The following NUBPL variants were observed in gnomAD, a reference collection of about 807,000 sequenced individuals.
NUBPL encodes iron-sulfur cluster transfer protein NUBPL.
Under a neutral mutation model 45.7 loss-of-function variants are expected in NUBPL, and 31 were observed. The observed-to-expected ratio is 0.68, with a 90% CI of 0.51 to 0.92. NUBPL has a LOEUF of 0.92. Among genes scored for constraint, NUBPL ranks in the 40% least tolerant of loss-of-function variants. The probability of loss-of-function intolerance (pLI) is 0.00; values close to 1 mark genes in which losing one functional copy is unlikely to be tolerated. For synonymous variants in NUBPL, 144 were observed against 140.9 expected (o/e 1.02, Z -0.15); for missense variants, 401 against 398.7 (o/e 1.01, Z -0.05).
intron 4 of NUBPL, among the ~76,000 whole-genome samples, chr14:31,629,982 C>T (rs2035300473): frequency 6.6e-6 from 1 of 152,130 alleles, no homozygotes; most frequent in Non-Finnish European, 1.5e-5. Context: ...ACCTGCAATT[C>T]TGAGAGCACA....
intron 6 of NUBPL, among the ~76,000 whole-genome samples, chr14:31,717,679 AC>A (rs1389218791): frequency 6.6e-6 from 1 of 151,834 alleles, no homozygotes; most frequent in Non-Finnish European, 1.5e-5. Flanking sequence ...TACCAAAACA[AC>A]CCCAAGCCTG....
chr14:31,817,408 A>G (rs535452507), intron 7 of NUBPL, among the ~76,000 whole-genome samples: 2 of 152,274 alleles, frequency 1.3e-5, no homozygotes, highest in Admixed American at 6.5e-5. Context: ...GAAGGAAAAA[A>G]TGTTAAGGGC....
rs914698510 is a variant in NUBPL at position 31,859,228 on chromosome 14, C to T, written c.*48C>T. ...TGCCTGGTACTGACATTAAGAGGAC[C>T]TTTGGAAATCAGCAATGTGGTGATG... On this transcript the variant is annotated 3_prime_UTR_variant, in exon 11 of 11. Transcript: ENST00000281081. 5 of 1,418,312 alleles carry T rather than the reference C, an allele frequency of 3.5e-6. No homozygotes were observed. Among genetic ancestry groups the T allele is most frequent in the Middle Eastern group, 3.5e-4 (2 of 5,700 alleles). 87.9% of individuals were successfully genotyped at this position (1,418,312 alleles called of 1,614,324 possible).
intron 6 of NUBPL, among the ~76,000 whole-genome samples, chr14:31,766,113 T>G (rs942186856): frequency 7.9e-5 from 12 of 152,156 alleles, no homozygotes; most frequent in Middle Eastern, 3.2e-3. Flanking sequence ...CAAATAGAAT[T>G]TAAGTTTTAA....
At chr14:31,706,767 T>G (rs1329609672) in intron 6 of NUBPL, among the ~76,000 whole-genome samples, 1 of 152,214 alleles carries the variant, frequency 6.6e-6, no homozygotes, top group Non-Finnish European at 1.5e-5. Flanking sequence ...GTCTGAGAAA[T>G]CCTTTGAGAG....
chr14:31,731,260 A>G (rs948198329), intron 6 of NUBPL, among the ~76,000 whole-genome samples: 7 of 152,324 alleles, frequency 4.6e-5, no homozygotes, highest in Non-Finnish European at 2.9e-5. Flanking sequence ...TCACAATGCA[A>G]TGTGGAACGA....
intron 6 of NUBPL, among the ~76,000 whole-genome samples, chr14:31,732,326 G>A (rs757381596): frequency 2.6e-4 from 39 of 152,008 alleles, no homozygotes; most frequent in Non-Finnish European, 5.1e-4. Flanking sequence ...CAGACTCTGG[G>A]CAAATCATTT....
intron 4 of NUBPL, among the ~76,000 whole-genome samples, chr14:31,672,846 T>C (rs1356316388): frequency 6.6e-6 from 1 of 152,236 alleles, no homozygotes; most frequent in Non-Finnish European, 1.5e-5. Context: ...GTATGCTTGG[T>C]ATAATGTTTA....
chr14:31,835,791 A>G (rs569597781), intron 8 of NUBPL, among the ~76,000 whole-genome samples: 2 of 151,338 alleles, frequency 1.3e-5, no homozygotes, highest in African/African-American at 4.9e-5. Context: ...ATCCATGCAC[A>G]TGCTTCAAGG....
chr14:31,730,463 CTTTTT>C (rs1219334725), intron 6 of NUBPL, among the ~76,000 whole-genome samples: 1 of 137,884 alleles, frequency 7.3e-6, no homozygotes, highest in Non-Finnish European at 1.6e-5. Flanking sequence ...ATCAAGTAAT[CTTTTT>C]TTTTTTTTTT....
chr14:31,625,453 A>G (rs1410315154), intron 4 of NUBPL, among the ~76,000 whole-genome samples: 1 of 151,300 alleles, frequency 6.6e-6, no homozygotes, highest in Non-Finnish European at 1.5e-5. Context: ...AGTGGGTAAG[A>G]TATAAATTCT....
chr14:31,775,384 C>T (rs1566555623), intron 6 of NUBPL, among the ~76,000 whole-genome samples: 1 of 152,194 alleles, frequency 6.6e-6, no homozygotes, highest in Non-Finnish European at 1.5e-5. Flanking sequence ...TGCCATTGCA[C>T]ATCAGCCTGG....
At chr14:31,609,985 C>A (rs933356204) in intron 4 of NUBPL, among the ~76,000 whole-genome samples, 3 of 151,850 alleles carry the variant, frequency 2.0e-5, no homozygotes, top group African/African-American at 7.3e-5. Context: ...TTTCAATAAA[C>A]AATTTAACGA....
intron 4 of NUBPL, among the ~76,000 whole-genome samples, chr14:31,617,786 C>T (rs2034948209): frequency 6.6e-6 from 1 of 152,152 alleles, no homozygotes; most frequent in African/African-American, 2.4e-5. Context: ...TGATGCTGGC[C>T]TCATAAAATG....
chr14:31,632,892 G>C (rs946177348), intron 4 of NUBPL, among the ~76,000 whole-genome samples: 7 of 152,170 alleles, frequency 4.6e-5, no homozygotes, highest in Non-Finnish European at 8.8e-5. Flanking sequence ...ATTTAACATT[G>C]AAGCATAGTA....
At chr14:31,843,106 T>C (rs1050314503) in intron 8 of NUBPL, among the ~76,000 whole-genome samples, 38 of 152,328 alleles carry the variant, frequency 2.5e-4, no homozygotes, top group Middle Eastern at 3.4e-3. Flanking sequence ...TTCTCTGTAT[T>C]GTTCAACACC....
chr14:31,577,932 C>A (rs2033758594), intron 3 of NUBPL: 18 of 1,285,718 alleles, frequency 1.4e-5, no homozygotes, highest in South Asian at 9.9e-5. Flanking sequence ...TTATCTCATG[C>A]CATTAGAGTG....
intron 4 of NUBPL, among the ~76,000 whole-genome samples, chr14:31,608,324 C>T (rs1427353308): frequency 2.0e-5 from 3 of 152,074 alleles, no homozygotes; most frequent in African/African-American, 4.8e-5. Flanking sequence ...GAGGCTGAGG[C>T]GGGCGGATCA....
intron 4 of NUBPL, among the ~76,000 whole-genome samples, chr14:31,630,024 A>G (rs2035301181): frequency 6.6e-6 from 1 of 152,206 alleles, no homozygotes. Flanking sequence ...TAAGTGAAAT[A>G]ATACATTTAA....
Sources: gnomAD v4.1 joint callset for allele counts (sites outside exome capture counted in the v4.1 genomes callset) on GRCh38, gnomAD v4.1.1 for gene constraint, MANE v1.5 for transcripts, NCBI Gene and HGNC (gene_info 2026-07-23, HGNC 2026-07-21) for gene names.